GRK7: variants seen among roughly 807,000 people sequenced by gnomAD.
GRK7 encodes G protein-coupled receptor kinase 7.
Under a neutral mutation model 34.1 loss-of-function variants are expected in GRK7, and 24 were observed. That is an observed-to-expected ratio of 0.70 (90% CI 0.51 to 0.99). The LOEUF is 0.99. Among genes scored for constraint, GRK7 ranks in the 50% least tolerant of loss-of-function variants. GRK7 has a pLI of 0.00. For synonymous variants in GRK7, 256 were observed against 279.4 expected, an observed-to-expected ratio of 0.92 and a Z score of 0.84; for missense variants, 644 against 707.3, an observed-to-expected ratio of 0.91 and a Z score of 1.02.
In GRK7 at chr3:141,772,566, G is replaced by A. The variant is rs868165362; in HGVS notation, c.-214-2014G>A. Reference sequence around the variant, plus strand: ...AGAGAATTGGGCATTTTAAAGGATGGTGAGTTTCTTACTAGAAACTTAGCT... The same window carrying A: ...AGAGAATTGGGCATTTTAAAGGATGATGAGTTTCTTACTAGAAACTTAGCT... On this transcript the variant is annotated intron_variant, in intron 1 of 5. Coordinates refer to ENST00000682958, the MANE Select transcript of GRK7 (RefSeq NM_139209.3). Among the ~76,000 whole-genome samples, 3 of 152,128 alleles carry A rather than the reference G, an allele frequency of 2.0e-5. No homozygotes were observed. The South Asian group carries it at 6.2e-4, about 32-fold the overall frequency.
intron 4 of GRK7, among the ~76,000 whole-genome samples, chr3:141,794,123 G>A (rs1470852020): frequency 2.6e-5 from 4 of 152,198 alleles, no homozygotes; most frequent in African/African-American, 7.2e-5. Context: ...ACCCATCCCG[G>A]GGAGGCAAGC....
intron 5 of GRK7, among the ~76,000 whole-genome samples, chr3:141,810,641 C>T (rs921428314): frequency 1.9e-4 from 29 of 152,082 alleles, no homozygotes; most frequent in African/African-American, 6.3e-4. Flanking sequence ...CTTGGCCTCC[C>T]GAGTAGCTGG....
At chr3:141,800,905 T>C (rs1710953852) in intron 4 of GRK7, among the ~76,000 whole-genome samples, 1 of 152,214 alleles carries the variant, frequency 6.6e-6, no homozygotes, top group African/African-American at 2.4e-5. Context: ...GAGCTGAATG[T>C]CTAAGAACTG....
chr3:141,813,784 A>C (rs1307872633), intron 5 of GRK7, among the ~76,000 whole-genome samples: 1 of 152,228 alleles, frequency 6.6e-6, no homozygotes, highest in East Asian at 1.9e-4. Flanking sequence ...TTTTCCTTTG[A>C]AAAAGTCACC....
At chr3:141,770,994 C>CAAAAAAAA (rs55988355) in intron 1 of GRK7, among the ~76,000 whole-genome samples, 3 of 84,768 alleles carry the variant, frequency 3.5e-5, no homozygotes, top group Non-Finnish European at 4.6e-5. Context: ...TACCCAGTCT[C>CAAAAAAAA]AAAAAAAAAA....
intron 4 of GRK7, among the ~76,000 whole-genome samples, chr3:141,787,835 T>G (rs1299578605): frequency 7.3e-6 from 1 of 137,740 alleles, no homozygotes; most frequent in Non-Finnish European, 1.5e-5. Context: ...TAGCAAGACT[T>G]TGTCTCTTAA....
At chr3:141,805,798 T>C (rs923886851) in intron 4 of GRK7, among the ~76,000 whole-genome samples, 1 of 152,200 alleles carries the variant, frequency 6.6e-6, no homozygotes, top group Non-Finnish European at 1.5e-5. Flanking sequence ...GCTCAACACT[T>C]TCTAATGTTT....
rs1488333944 is a variant in GRK7 at position 141,819,164 on chromosome 3, G to A, written c.*2114G>A. Among the ~76,000 whole-genome samples the A allele has an allele frequency of 2.0e-5, 3 of 152,102 alleles. No homozygotes were observed. Among genetic ancestry groups the A allele is most frequent in the Non-Finnish European group, 2.9e-5 (2 of 68,012 alleles). On this transcript the variant is annotated 3_prime_UTR_variant, in exon 6 of 6. Transcript: ENST00000682958. ...ATCCAATTAACCAGAGCACTCCAAT[G>A]GTAGAGTTCTCAGGATTGGGCTTTA...
intron 4 of GRK7, among the ~76,000 whole-genome samples, chr3:141,798,722 A>T (rs989145632): frequency 3.9e-5 from 6 of 152,212 alleles, no homozygotes; most frequent in Admixed American, 2.0e-4. Context: ...GACAAATGGC[A>T]TAAAGGGCAG....
the GRK7 span, among the ~76,000 whole-genome samples, chr3:141,756,141 G>A: frequency 2.6e-5 from 4 of 151,956 alleles, no homozygotes; most frequent in Admixed American, 6.6e-5. Flanking sequence ...GTAAAACCTC[G>A]TCTGTACTAA....
intron 4 of GRK7, among the ~76,000 whole-genome samples, chr3:141,801,055 A>G (rs777836563): frequency 5.9e-5 from 9 of 152,168 alleles, no homozygotes; most frequent in Non-Finnish European, 1.0e-4. Flanking sequence ...TCACACCTGT[A>G]ATCCCAGCAC....
chr3:141,817,110 C>T lies in GRK7; in HGVS notation c.*60C>T. 2 of 1,313,710 alleles carry T rather than the reference C, an allele frequency of 1.5e-6. No homozygotes were observed. Among genetic ancestry groups the T allele is most frequent in the Non-Finnish European group, 1.0e-6 (1 of 956,164 alleles). The allele number at this position is 1,313,710 out of a possible 1,614,324, so 81.4% of individuals were successfully genotyped here. Reference sequence around the variant, plus strand: ...CGGCTGACATAATCCTCGAATGTTCCACACGTGGAAATCTGTGGAATGAGG... The same window carrying T: ...CGGCTGACATAATCCTCGAATGTTCTACACGTGGAAATCTGTGGAATGAGG... On this transcript the variant is annotated 3_prime_UTR_variant, in exon 6 of 6. Transcript: ENST00000682958.
chr3:141,782,388 C>T (rs905123685), intron 4 of GRK7, among the ~76,000 whole-genome samples: 1 of 152,020 alleles, frequency 6.6e-6, no homozygotes, highest in African/African-American at 2.4e-5. Flanking sequence ...CTCCAGTGGC[C>T]AGAAGGAAGA....
At chr3:141,769,510 AAG>A (rs1168629469) in intron 1 of GRK7, among the ~76,000 whole-genome samples, 2 of 152,184 alleles carry the variant, frequency 1.3e-5, no homozygotes, top group Non-Finnish European at 2.9e-5. Flanking sequence ...CATTGTTCCT[AAG>A]AGAGAGGTCA....
intron 5 of GRK7, among the ~76,000 whole-genome samples, chr3:141,808,818 G>C (rs533002696): frequency 6.6e-6 from 1 of 152,262 alleles, no homozygotes; most frequent in Non-Finnish European, 1.5e-5. Flanking sequence ...ACAAGATGAA[G>C]AGTTCTGGAG....
chr3:141,798,705 T>C (rs1388409498), intron 4 of GRK7, among the ~76,000 whole-genome samples: 1 of 152,212 alleles, frequency 6.6e-6, no homozygotes, highest in African/African-American at 2.4e-5. Flanking sequence ...GCAGTTCACA[T>C]GCAGAAGACA....
At chr3:141,754,381 C>A in the GRK7 span, among the ~76,000 whole-genome samples, 2 of 148,050 alleles carry the variant, frequency 1.4e-5, no homozygotes, top group Admixed American at 1.3e-4. Context: ...TTTTTTTTTT[C>A]TTTAGCAAGA....
rs528931322 is a variant in GRK7 at position 141,813,656 on chromosome 3, G to A, written c.1326-3058G>A. Among the ~76,000 whole-genome samples, 104 of 152,242 alleles carry A rather than the reference G, an allele frequency of 6.8e-4. 1 individual carries two copies. The highest frequency in any genetic ancestry group is 2.1e-3 in the Admixed American group (32 of 15,286). On this transcript the variant is annotated intron_variant, in intron 5 of 5. Coordinates refer to ENST00000682958, the MANE Select transcript of GRK7 (RefSeq NM_139209.3). ...CAGTGGGAAAAGTCCAAGAAGTTCC[G>A]GATAGACCTTTCTGGAAGTGGGTAG... is the stretch of plus-strand genomic sequence containing the variant.
intron 4 of GRK7, among the ~76,000 whole-genome samples, chr3:141,804,656 C>T (rs901123569): frequency 5.3e-5 from 8 of 151,822 alleles, no homozygotes; most frequent in Non-Finnish European, 5.9e-5. Context: ...CACATATACA[C>T]ACACATACAC....
Sources: gnomAD v4.1 joint callset for allele counts (sites outside exome capture counted in the v4.1 genomes callset) on GRCh38, gnomAD v4.1.1 for gene constraint, MANE v1.5 for transcripts, NCBI Gene and HGNC (gene_info 2026-07-23, HGNC 2026-07-21) for gene names.